Variants in NFIB observed in about 807,000 individuals in gnomAD.
NFIB encodes nuclear factor 1 B-type.
NFIB carries 11 observed loss-of-function variants against 61.5 expected under a neutral mutation model. That is an observed-to-expected ratio of 0.18 (90% CI 0.11 to 0.30). NFIB has a LOEUF of 0.30. Ranked by LOEUF, NFIB falls within the 10% of genes least tolerant of loss-of-function variation. The pLI is 1.00. For synonymous variants in NFIB, 260 were observed against 216.5 expected (o/e 1.20, Z -1.76); for missense variants, 471 against 608.9 (o/e 0.77, Z 2.38).
chr9:14,146,392 T>A (rs2078463), intron 6 of NFIB, among the ~76,000 whole-genome samples: 9,040 of 152,188 alleles, frequency 0.059, 880 homozygotes, highest in African/African-American at 0.21. Flanking sequence ...GTGGTTCTGC[T>A]GTACTCCAAC....
At chr9:14,380,468 T>C (rs759749891) in intron 1 of NFIB, among the ~76,000 whole-genome samples, 129 of 152,208 alleles carry the variant, frequency 8.5e-4, no homozygotes, top group Non-Finnish European at 1.7e-3. Context: ...AATGTCTTCA[T>C]TCACTTTGCA....
chr9:14,303,913 G>C (rs1426808537), intron 2 of NFIB, among the ~76,000 whole-genome samples: 2 of 152,202 alleles, frequency 1.3e-5, no homozygotes, highest in Non-Finnish European at 2.9e-5. Flanking sequence ...TTTAGGTGAA[G>C]TGCAGGGAGA....
chr9:14,255,720 G>A (rs1309475463), intron 2 of NFIB, among the ~76,000 whole-genome samples: 1 of 152,062 alleles, frequency 6.6e-6, no homozygotes, highest in Non-Finnish European at 1.5e-5. Flanking sequence ...CTCTCACAAG[G>A]TCACTATAAA....
the NFIB span, among the ~76,000 whole-genome samples, chr9:14,475,489 T>C: frequency 2.0e-5 from 3 of 152,308 alleles, no homozygotes; most frequent in East Asian, 5.8e-4. Flanking sequence ...AAAGAAAGCA[T>C]GAGAAAATGG....
chr9:14,494,247 T>C, the NFIB span, among the ~76,000 whole-genome samples: 1 of 152,214 alleles, frequency 6.6e-6, no homozygotes, highest in African/African-American at 2.4e-5. Context: ...TGTAAGGAGT[T>C]TGTATCCAGA....
At chr9:14,191,239 G>C (rs1193514185) in intron 2 of NFIB, among the ~76,000 whole-genome samples, 1 of 152,068 alleles carries the variant, frequency 6.6e-6, no homozygotes, top group East Asian at 1.9e-4. Context: ...AAGGTGGGAG[G>C]ATCATCTGAG....
chr9:14,333,597 AGCCTTG>A (rs1178041431), intron 1 of NFIB, among the ~76,000 whole-genome samples: 4 of 152,212 alleles, frequency 2.6e-5, no homozygotes, highest in Non-Finnish European at 4.4e-5. Flanking sequence ...TCACTTCAGC[AGCCTTG>A]GCCTAAGTCT....
intron 2 of NFIB, among the ~76,000 whole-genome samples, chr9:14,219,140 G>T (rs928769985): frequency 2.6e-5 from 4 of 152,062 alleles, no homozygotes; most frequent in Non-Finnish European, 5.9e-5. Context: ...CCTAAATGCT[G>T]CACCTTATGA....
At chr9:14,398,713 C>T (rs2061712990) in exon 1 of NFIB, 3 of 978,142 alleles carry the variant, frequency 3.1e-6, no homozygotes, top group East Asian at 5.5e-5. Context: ...CTCCAGGTCA[C>T]CGAGTACCTT....
At chr9:14,147,039 A>C (rs2042343974) in intron 5 of NFIB, among the ~76,000 whole-genome samples, 1 of 152,142 alleles carries the variant, frequency 6.6e-6, no homozygotes, top group African/African-American at 2.4e-5. Flanking sequence ...TATGGTGTTC[A>C]TTATATTTAT....
Position 14,084,312 on chromosome 9 carries a change from A to C in NFIB, c.*3997T>G, listed in dbSNP as rs2032492644. The C allele has an allele frequency of 4.8e-6, 1 of 209,776 alleles. No homozygotes were observed. 13.0% of individuals were successfully genotyped at this position (209,776 alleles called of 1,614,324 possible). On this transcript the variant is annotated 3_prime_UTR_variant, in exon 11 of 11. Coordinates refer to ENST00000380953, the MANE Select transcript of NFIB (RefSeq NM_001190737.2). ...AATTTTAATTTAAAAAAAATTCTTA[A>C]CAAAACTATACAGTGTACAAATTAC...
intron 1 of NFIB, among the ~76,000 whole-genome samples, chr9:14,397,073 T>TA (rs2061694294): frequency 6.6e-6 from 1 of 152,222 alleles, no homozygotes; most frequent in Admixed American, 6.5e-5. Context: ...TTCTTTATAA[T>TA]AAATGATTTA....
At chr9:14,364,368 T>C (rs1228597511) in intron 1 of NFIB, among the ~76,000 whole-genome samples, 1 of 152,206 alleles carries the variant, frequency 6.6e-6, no homozygotes, top group African/African-American at 2.4e-5. Context: ...AACTCCCTGC[T>C]CTGGGTGAGC....
chr9:14,418,510 A>G, the NFIB span, among the ~76,000 whole-genome samples: 1 of 152,250 alleles, frequency 6.6e-6, no homozygotes, highest in African/African-American at 2.4e-5. Flanking sequence ...GGGTGAAAAG[A>G]GTAGGGGTAT....
chr9:14,195,372 T>C (rs1039723291), intron 2 of NFIB, among the ~76,000 whole-genome samples: 5 of 152,206 alleles, frequency 3.3e-5, no homozygotes, highest in African/African-American at 1.2e-4. Context: ...CAAAATATTG[T>C]ATTTTTTAGA....
intron 5 of NFIB, among the ~76,000 whole-genome samples, chr9:14,148,636 T>A (rs1158739544): frequency 6.6e-6 from 1 of 152,114 alleles, no homozygotes; most frequent in Non-Finnish European, 1.5e-5. Context: ...CAGGGCAAGT[T>A]AATGGAAGCA....
intron 3 of NFIB, among the ~76,000 whole-genome samples, chr9:14,172,599 G>A (rs2045688490): frequency 6.6e-6 from 1 of 152,068 alleles, no homozygotes; most frequent in South Asian, 2.1e-4. Flanking sequence ...ATGCCAATAG[G>A]CTTATAACAA....
intron 2 of NFIB, among the ~76,000 whole-genome samples, chr9:14,206,747 CTG>C (rs1205547001): frequency 9.4e-5 from 14 of 148,788 alleles, no homozygotes; most frequent in Non-Finnish European, 1.9e-4. Context: ...CAGATTTTGC[CTG>C]TGTCTTAGTT....
intron 1 of NFIB, among the ~76,000 whole-genome samples, chr9:14,342,989 A>G (rs2060970429): frequency 6.6e-6 from 1 of 152,044 alleles, no homozygotes; most frequent in Non-Finnish European, 1.5e-5. Flanking sequence ...GGAGGGAAAG[A>G]AAAGGGGGTG....
Sources: gnomAD v4.1 joint callset for allele counts (sites outside exome capture counted in the v4.1 genomes callset) on GRCh38, gnomAD v4.1.1 for gene constraint, MANE v1.5 for transcripts, NCBI Gene and HGNC (gene_info 2026-07-23, HGNC 2026-07-21) for gene names.